GYS2: variants seen among roughly 807,000 people sequenced by gnomAD.
GYS2 encodes the protein glycogen [starch] synthase, liver.
A neutral mutation model predicts 85.6 loss-of-function variants in GYS2; 80 were observed. The observed-to-expected ratio is 0.93, with a 90% CI of 0.78 to 1.13. GYS2 has a LOEUF of 1.13. Among genes scored for constraint, GYS2 ranks in the 50% most tolerant of loss-of-function variants. The probability of loss-of-function intolerance (pLI) is 0.00; values close to 1 mark genes in which losing one functional copy is unlikely to be tolerated. For synonymous variants in GYS2, 328 were observed against 300.7 expected (o/e 1.09, Z -0.94); for missense variants, 881 against 854.9 (o/e 1.03, Z -0.38).
chr12:21,603,540 A>G lies in GYS2; in HGVS notation c.121+932T>C, dbSNP rs570878504. On this transcript the variant is annotated intron_variant, in intron 1 of 15. Coordinates refer to ENST00000261195, the MANE Select transcript of GYS2 (RefSeq NM_021957.4). The stretch of plus-strand genomic sequence containing the variant: ...TTTAGATTACTGTAATAGACATGAA[A>G]TAGTAAACACAAAATGAAAAATAAA... Among the ~76,000 whole-genome samples, 24 of 152,236 alleles carry G rather than the reference A, an allele frequency of 1.6e-4. No homozygotes were observed. In the East Asian group the frequency reaches 4.2e-3, roughly 27 times the overall value.
rs980211349 is a variant in GYS2 at position 21,539,169 on chromosome 12, G to C, written c.1890+89C>G. The stretch of plus-strand genomic sequence containing the variant: ...ACATTATGAAAAAGTATCATAGCTT[G>C]TGTGCATAGCTACTTCCAAATTTAA... On this transcript the variant is annotated intron_variant, in intron 15 of 15. Transcript: ENST00000261195. The C allele has an allele frequency of 6.5e-6, 5 of 771,246 alleles. No homozygotes were observed. In the Admixed American group the frequency reaches 9.2e-5, roughly 14 times the overall value. 47.8% of individuals were successfully genotyped at this position (771,246 alleles called of 1,614,324 possible).
In GYS2 at chr12:21,542,551, A is replaced by G. The variant is rs1384383098; in HGVS notation, c.1590T>C (p.Asn530=). Residue 530 remains asparagine, a synonymous_variant, in exon 13 of 16, where the codon AAT becomes AAC. Coordinates refer to ENST00000261195, the MANE Select transcript of GYS2 (RefSeq NM_021957.4). ...TVMGIPSVTT[N]LSGFGCFMQE... ...GCATGAAACAGCCAAACCCGGAGAGATTCGTGGTCACACTGGGGATACCCA... is the reference window on the plus strand; with the variant it reads ...GCATGAAACAGCCAAACCCGGAGAGGTTCGTGGTCACACTGGGGATACCCA... 6.2e-7 allele frequency: 1 copy of G among 1,613,784 alleles called. No homozygotes were observed. The highest frequency in any genetic ancestry group is 8.5e-7 in the Non-Finnish European group (1 of 1,179,732).
chr12:21,587,668 T>C (rs2136922613), intron 1 of GYS2, among the ~76,000 whole-genome samples: 1 of 152,244 alleles, frequency 6.6e-6, no homozygotes, highest in East Asian at 1.9e-4. Context: ...AGGTATGTCT[T>C]TATAAGCAGC....
At chr12:21,576,255 A>C (rs983733128) in intron 2 of GYS2, among the ~76,000 whole-genome samples, 198 bp from the exon 3 acceptor site, 11 of 152,144 alleles carry the variant, frequency 7.2e-5, no homozygotes, top group Admixed American at 5.2e-4. Context: ...TTCATCTAGA[A>C]CCTCCAAATT....
chr12:21,547,090 TA>T (rs955154728), intron 11 of GYS2, among the ~76,000 whole-genome samples: 81 of 152,318 alleles, frequency 5.3e-4, no homozygotes, highest in Non-Finnish European at 8.8e-4. Context: ...ATTGATCCTT[TA>T]AAAATGTCAG....
At chr12:21,533,670 T>C (rs1474529190), downstream of GYS2, among the ~76,000 whole-genome samples, 1 of 152,208 alleles carries the variant, frequency 6.6e-6, no homozygotes, top group Non-Finnish European at 1.5e-5. Context: ...GGAAAACTAT[T>C]AGTATAACAC....
At position 21,603,862 on chromosome 12, in the gene GYS2, C is replaced by T. The variant is rs187654494; in HGVS notation, c.121+610G>A. 6.7e-4 allele frequency among the ~76,000 whole-genome samples: 102 copies of T among 152,230 alleles called. 1 individual carries two copies. The highest frequency in any genetic ancestry group is 5.9e-4 in the Non-Finnish European group (40 of 67,996). On this transcript the variant is annotated intron_variant, in intron 1 of 15. Transcript: ENST00000261195. ...CTTACCCAGCACAGATGAGGTTATA[C>T]CTCACTCGCAAATTGTTTTATCAAT...
chr12:21,551,994 A>G (rs1944116615), intron 11 of GYS2, among the ~76,000 whole-genome samples: 1 of 152,208 alleles, frequency 6.6e-6, no homozygotes, highest in South Asian at 2.1e-4. Context: ...GAATGACAGC[A>G]TAACTAAAAT....
At chr12:21,589,497 C>A (rs936325922) in intron 1 of GYS2, among the ~76,000 whole-genome samples, 5 of 152,090 alleles carry the variant, frequency 3.3e-5, no homozygotes, top group Non-Finnish European at 7.3e-5. Flanking sequence ...ACCTCCTCCA[C>A]AAAGAACCAA....
chr12:21,581,287 T>G (rs1353972458), intron 1 of GYS2, among the ~76,000 whole-genome samples: 3 of 152,226 alleles, frequency 2.0e-5, no homozygotes, highest in Non-Finnish European at 1.5e-5. Context: ...GCAAACAGCC[T>G]GAGACCACAT....
intron 11 of GYS2, among the ~76,000 whole-genome samples, chr12:21,550,691 A>T (rs1358566799): frequency 6.6e-6 from 1 of 152,208 alleles, no homozygotes; most frequent in Non-Finnish European, 1.5e-5. Context: ...CTGTAATCCC[A>T]GCACTTTGGG....
At chr12:21,554,072 TG>T (rs536499018) in intron 11 of GYS2, among the ~76,000 whole-genome samples, 107 of 152,284 alleles carry the variant, frequency 7.0e-4, no homozygotes, top group East Asian at 3.1e-3. Flanking sequence ...TATTAATTCT[TG>T]TTTTTTTATT....
In GYS2 at chr12:21,554,057, A is replaced by C. The variant is rs527411691; in HGVS notation, c.1422+4143T>G. Among the ~76,000 whole-genome samples, 19 of 152,182 alleles carry C rather than the reference A, an allele frequency of 1.2e-4. No homozygotes were observed. In the South Asian group the frequency reaches 3.9e-3, roughly 32 times the overall value. On this transcript the variant is annotated intron_variant, in intron 11 of 15. Transcript: ENST00000261195. ...GTGTATATTTTTTGTATATTAGCCA[A>C]TTTTTATTAATTCTTGTTTTTTTAT...
chr12:21,594,805 A>G (rs1010152407), intron 1 of GYS2, among the ~76,000 whole-genome samples: 3 of 152,262 alleles, frequency 2.0e-5, no homozygotes, highest in African/African-American at 7.2e-5. Context: ...CTGTGAAAAA[A>G]GAACAATGCT....
chr12:21,542,544 C>G lies in GYS2; in HGVS notation c.1597G>C (p.Gly533Arg). The change falls in exon 13 of 16, where the codon GGG becomes CGG. Residue 533 changes from glycine to arginine, a missense_variant. Transcript: ENST00000261195. Reference sequence around the variant, plus strand: ...TGCTCCTGCATGAAACAGCCAAACCCGGAGAGATTCGTGGTCACACTGGGG... The same window carrying G: ...TGCTCCTGCATGAAACAGCCAAACCGGGAGAGATTCGTGGTCACACTGGGG... ...GIPSVTTNLS[G>R]FGCFMQEHVA... 1 of 1,613,794 alleles carries G rather than the reference C, an allele frequency of 6.2e-7. No individual in the cohort carries two copies. The highest frequency in any genetic ancestry group is 8.5e-7 in the Non-Finnish European group (1 of 1,179,760).
In GYS2 at chr12:21,575,884, A is replaced by C. The variant is rs762696759; in HGVS notation, c.477T>G (p.Thr159=). The part of the protein sequence containing the change: ...ANDMLIFGSL[T]AWFLKEVTDH... ...ACCATACCTCTTTTAAGAACCAGGC[A>C]GTTAAAGATCCAAATATCAGCATAT... The change falls in exon 3 of 16, where the codon ACT becomes ACG. Residue 159 remains threonine (T), a synonymous_variant. Transcript: ENST00000261195. 1 of 1,613,246 alleles carries C rather than the reference A, an allele frequency of 6.2e-7. No homozygotes were observed. The highest frequency in any genetic ancestry group is 8.5e-7 in the Non-Finnish European group (1 of 1,179,236).
intron 2 of GYS2, among the ~76,000 whole-genome samples, chr12:21,576,355 C>G (rs1408008122): frequency 3.3e-5 from 5 of 152,104 alleles, no homozygotes; most frequent in Admixed American, 2.6e-4. Flanking sequence ...ACCATGAACT[C>G]ACAGTGATTA....
At chr12:21,586,428 T>TATC (rs754314521) in intron 1 of GYS2, among the ~76,000 whole-genome samples, 7 of 139,930 alleles carry the variant, frequency 5.0e-5, no homozygotes, top group Non-Finnish European at 1.6e-5. Flanking sequence ...TATATCTATC[T>TATC]ATCTATCTAT....
rs147275401 is a variant in GYS2 at position 21,552,086 on chromosome 12, G to A, written c.1423-5616C>T. Among the ~76,000 whole-genome samples, 6 of 152,282 alleles carry A rather than the reference G, an allele frequency of 3.9e-5. No homozygotes were observed. In the East Asian group the frequency reaches 9.7e-4, roughly 25 times the overall value. ...AAGGGATATTAGAGGTCAGCTGAAG[G>A]TTATAAAGAGGATTAAATGAGATCC... On this transcript the variant is annotated intron_variant, in intron 11 of 15. Coordinates refer to ENST00000261195, the MANE Select transcript of GYS2 (RefSeq NM_021957.4).
Sources: gnomAD v4.1 joint callset for allele counts (sites outside exome capture counted in the v4.1 genomes callset) on GRCh38, gnomAD v4.1.1 for gene constraint, MANE v1.5 for transcripts, NCBI Gene and HGNC (gene_info 2026-07-23, HGNC 2026-07-21) for gene names.